MACROD2: variants seen among roughly 807,000 people sequenced by gnomAD.
The protein encoded by MACROD2 is mono-ADP ribosylhydrolase 2.
A neutral mutation model predicts 70.4 loss-of-function variants in MACROD2; 36 were observed. The observed-to-expected ratio is 0.51, with a 90% confidence interval of 0.39 to 0.68. The LOEUF (loss-of-function observed/expected upper bound fraction) is 0.68. MACROD2 is among the 30% of genes least tolerant of loss of function. The probability of loss-of-function intolerance (pLI) is 0.00; values close to 1 mark genes in which losing one functional copy is unlikely to be tolerated. For missense variants in MACROD2, 496 were observed against 538.4 expected, an observed-to-expected ratio of 0.92 and a Z score of 0.78; for synonymous variants, 172 against 178.8, an observed-to-expected ratio of 0.96 and a Z score of 0.30.
rs542848513 is a variant in MACROD2, at chr20:14,930,299, C to T, written c.418+245340C>T. Among the ~76,000 whole-genome samples the T allele has an allele frequency of 4.6e-5, 7 of 152,164 alleles. No homozygotes were observed. The South Asian group carries it at 1.2e-3, about 27-fold the overall frequency. ...TGTATAAATGAAAATAACTACATTT[C>T]TTGCTTTCACAAACCTTGTTGTCAA... On this transcript the variant is annotated intron_variant, in intron 5 of 17. Transcript: ENST00000684519.
intron 5 of MACROD2, among the ~76,000 whole-genome samples, chr20:14,815,957 G>C (rs567292462): frequency 6.6e-6 from 1 of 151,990 alleles, no homozygotes; most frequent in South Asian, 2.1e-4. Context: ...GTCTAATAGT[G>C]ATATTTAAAG....
chr20:15,537,287 G>A (rs749446616), intron 8 of MACROD2, among the ~76,000 whole-genome samples: 3 of 152,030 alleles, frequency 2.0e-5, no homozygotes, highest in Non-Finnish European at 2.9e-5. Flanking sequence ...CCCCAGCCAT[G>A]TGGAATTGTG....
At chr20:15,435,019 G>A (rs963492568) in intron 7 of MACROD2, among the ~76,000 whole-genome samples, 13 of 152,110 alleles carry the variant, frequency 8.5e-5, no homozygotes, top group African/African-American at 2.9e-4. Context: ...GGGGACTTGA[G>A]GGTGACGGGT....
At chr20:14,379,066 GC>G (rs1270532585) in intron 3 of MACROD2, among the ~76,000 whole-genome samples, 1 of 152,090 alleles carries the variant, frequency 6.6e-6, no homozygotes, top group Non-Finnish European at 1.5e-5. Context: ...CTTCATATGT[GC>G]CAGGTACTTG....
chr20:15,825,574 C>G (rs576228171), intron 8 of MACROD2, among the ~76,000 whole-genome samples: 2 of 152,000 alleles, frequency 1.3e-5, no homozygotes, highest in African/African-American at 4.8e-5. Context: ...TCTTGGCTCA[C>G]TGCAAGCTCC....
chr20:14,266,952 A>G (rs2082149669), intron 3 of MACROD2, among the ~76,000 whole-genome samples: 1 of 152,186 alleles, frequency 6.6e-6, no homozygotes, highest in Non-Finnish European at 1.5e-5. Flanking sequence ...CTGGAAAATA[A>G]ACTCAGTTGG....
At chr20:15,567,432 C>T (rs2048324925) in intron 8 of MACROD2, among the ~76,000 whole-genome samples, 1 of 152,064 alleles carries the variant, frequency 6.6e-6, no homozygotes, top group African/African-American at 2.4e-5. Context: ...ACTTGAGATG[C>T]CAGGACGCGC....
intron 6 of MACROD2, among the ~76,000 whole-genome samples, chr20:15,243,294 A>G (rs192878790): frequency 6.6e-6 from 1 of 152,286 alleles, no homozygotes. Flanking sequence ...AATGTATTTG[A>G]CAGTTATGTA....
chr20:15,592,263 G>T (rs2048690316), intron 8 of MACROD2, among the ~76,000 whole-genome samples: 1 of 152,224 alleles, frequency 6.6e-6, no homozygotes, highest in Non-Finnish European at 1.5e-5. Flanking sequence ...CATAGTCACT[G>T]CTCAATAAAT....
chr20:15,500,870 A>G (rs986507562), intron 8 of MACROD2, among the ~76,000 whole-genome samples: 3 of 152,208 alleles, frequency 2.0e-5, no homozygotes, highest in African/African-American at 7.2e-5. Context: ...AAATGTATAA[A>G]TATGGCAACT....
At chr20:14,950,363 G>T (rs896042673) in intron 5 of MACROD2, among the ~76,000 whole-genome samples, 2 of 152,150 alleles carry the variant, frequency 1.3e-5, no homozygotes, top group African/African-American at 4.8e-5. Flanking sequence ...ATTGTGGGAC[G>T]TGGAAGTCTT....
Position 15,568,831 on chromosome 20 carries a change from A to G in MACROD2, c.645+68984A>G, listed in dbSNP as rs572731151. Among the ~76,000 whole-genome samples the G allele has an allele frequency of 2.2e-4, 34 of 152,300 alleles. 1 individual carries two copies. The South Asian group carries it at 3.7e-3, about 17-fold the overall frequency. ...TTCCTAGATGCCAAGATCAGTCTCT[A>G]TGGGTATGATCTGTAAGTTATCAGA... is the stretch of plus-strand genomic sequence containing the variant. On this transcript the variant is annotated intron_variant, in intron 8 of 17. Coordinates refer to ENST00000684519, the MANE Select transcript of MACROD2 (RefSeq NM_001351661.2).
At chr20:14,363,062 G>T (rs2083238144) in intron 3 of MACROD2, among the ~76,000 whole-genome samples, 1 of 152,052 alleles carries the variant, frequency 6.6e-6, no homozygotes, top group Non-Finnish European at 1.5e-5. Flanking sequence ...ATTAACATTA[G>T]CCCTGAAGAC....
intron 5 of MACROD2, among the ~76,000 whole-genome samples, chr20:14,694,376 C>T (rs1468222914): frequency 2.0e-5 from 3 of 151,980 alleles, no homozygotes; most frequent in Non-Finnish European, 4.4e-5. Flanking sequence ...TTTCCCAGGT[C>T]ATGTGGTAAG....
At position 15,926,418 on chromosome 20, in the gene MACROD2, C is replaced by A. The variant is rs562632534; in HGVS notation, c.776-6858C>A. Among the ~76,000 whole-genome samples, 4 of 152,254 alleles carry A rather than the reference C, an allele frequency of 2.6e-5. No individual in the cohort carries two copies. The South Asian group carries it at 8.3e-4, about 32-fold the overall frequency. On this transcript the variant is annotated intron_variant, in intron 10 of 17. Coordinates refer to ENST00000684519, the MANE Select transcript of MACROD2 (RefSeq NM_001351661.2). ...AGGAAACATTGTTTCACAAAGCAGA[C>A]AAAGACCCTTGCCTCCGTGGAGCTT...
chr20:15,071,942 C>A (rs1418925628), intron 5 of MACROD2, among the ~76,000 whole-genome samples: 1 of 152,086 alleles, frequency 6.6e-6, no homozygotes, highest in Non-Finnish European at 1.5e-5. Context: ...TGTTACCTAG[C>A]AGTTGCCTTT....
At chr20:15,414,289 G>T (rs757342638) in intron 6 of MACROD2, among the ~76,000 whole-genome samples, 8 of 152,078 alleles carry the variant, frequency 5.3e-5, no homozygotes, top group Non-Finnish European at 1.0e-4. Context: ...GTCAGTATTG[G>T]TATCATCTGG....
At chr20:15,517,025 C>T (rs958630815) in intron 8 of MACROD2, among the ~76,000 whole-genome samples, 3 of 152,096 alleles carry the variant, frequency 2.0e-5, no homozygotes, top group African/African-American at 7.2e-5. Flanking sequence ...ACATTGTTTC[C>T]TTGTAAATGG....
At chr20:14,941,055 C>A (rs1015855567) in intron 5 of MACROD2, among the ~76,000 whole-genome samples, 1 of 152,018 alleles carries the variant, frequency 6.6e-6, no homozygotes, top group African/African-American at 2.4e-5. Context: ...TTTATTACAG[C>A]TTCAGTCTCA....
Sources: allele counts gnomAD v4.1 joint callset (sites outside exome capture counted in the v4.1 genomes callset), GRCh38; gene constraint gnomAD v4.1.1; transcripts MANE v1.5; gene names NCBI Gene and HGNC (gene_info 2026-07-23, HGNC 2026-07-21).